Variants in ADCY8 observed in about 807,000 individuals in gnomAD.
ADCY8 encodes adenylate cyclase type 8.
In ADCY8, 51 loss-of-function variants were observed where a neutral mutation model predicts 119.7. The observed-to-expected ratio is 0.43, with a 90% confidence interval of 0.34 to 0.54. ADCY8 has a LOEUF of 0.54. ADCY8 is among the 20% of genes least tolerant of loss of function. The pLI, the probability that ADCY8 is intolerant of heterozygous loss-of-function variation, is 0.03. For missense variants in ADCY8, 1,383 were observed against 1,598.8 expected, an observed-to-expected ratio of 0.87 and a Z score of 2.30; for synonymous variants, 665 against 651.0, an observed-to-expected ratio of 1.02 and a Z score of -0.33.
chr8:130,881,067 C>G (rs1750699678), intron 8 of ADCY8, among the ~76,000 whole-genome samples: 1 of 152,132 alleles, frequency 6.6e-6, no homozygotes, highest in South Asian at 2.1e-4. Flanking sequence ...AATTCCATGG[C>G]AGGGAGTACA....
chr8:131,019,010 A>G (rs767102223), intron 1 of ADCY8, among the ~76,000 whole-genome samples: 2 of 152,216 alleles, frequency 1.3e-5, no homozygotes, highest in African/African-American at 2.4e-5. Flanking sequence ...TCTCAGAAAT[A>G]ATGACACTTT....
At position 130,821,454 on chromosome 8, in the gene ADCY8, G is replaced by A. The variant is rs908044977; in HGVS notation, c.2676-34C>T. 9.6e-6 allele frequency: 15 copies of A among 1,557,324 alleles called. No individual in the cohort carries two copies. In the African/African-American group the frequency reaches 1.8e-4, roughly 18 times the overall value. ...AGAAAAAAGGAACTGATAACCATGGGGGGACTTCAAGGAGACCTATGAGAA... is the reference window on the plus strand; with the variant it reads ...AGAAAAAAGGAACTGATAACCATGGAGGGACTTCAAGGAGACCTATGAGAA... On this transcript the variant is annotated intron_variant, in intron 12 of 17. Coordinates refer to ENST00000286355, the MANE Select transcript of ADCY8 (RefSeq NM_001115.3).
chr8:131,015,153 C>G (rs758487621), intron 1 of ADCY8, among the ~76,000 whole-genome samples: 1 of 152,244 alleles, frequency 6.6e-6, no homozygotes, highest in South Asian at 2.1e-4. Flanking sequence ...AGAGCAGGAA[C>G]AACTCTAGGC....
Position 131,040,050 on chromosome 8 carries a change from C to T in ADCY8, c.284G>A (p.Gly95Asp). ...GGTGCTGTGCGCTCGCTCTCCCGGG[C>T]CCAGCGAGTAGAGGGGCAGCGCCGA... ...GDSALPLYSL[G>D]PGERAHSTCG... Residue 95 changes from glycine to aspartate, a missense_variant, in exon 1 of 18, where the codon GGC (glycine) becomes GAC (aspartate). Gly to Asp is a moderately conservative substitution (Grantham distance 94). Coordinates refer to ENST00000286355, the MANE Select transcript of ADCY8 (RefSeq NM_001115.3). The T allele has an allele frequency of 6.5e-7, 1 of 1,547,020 alleles. No homozygotes were observed. The highest frequency in any genetic ancestry group is 8.7e-7 in the Non-Finnish European group (1 of 1,151,046).
At chr8:130,986,569 C>T (rs1822407885) in intron 2 of ADCY8, among the ~76,000 whole-genome samples, 1 of 152,146 alleles carries the variant, frequency 6.6e-6, no homozygotes, top group African/African-American at 2.4e-5. Context: ...AAAACAATTT[C>T]AACTCTACCT....
intron 7 of ADCY8, among the ~76,000 whole-genome samples, chr8:130,901,525 C>T (rs1485913586): frequency 2.6e-5 from 4 of 152,108 alleles, no homozygotes; most frequent in Admixed American, 6.5e-5. Flanking sequence ...TCGGGGCTTC[C>T]GTGGAATTGA....
chr8:130,935,396 G>A (rs1445917940), intron 5 of ADCY8: 1 of 152,138 alleles, frequency 6.6e-6, no homozygotes, highest in Admixed American at 6.6e-5. Flanking sequence ...TTTGTCTCCT[G>A]CTCCTCAGAT....
At position 130,962,494 on chromosome 8, in the gene ADCY8, C is replaced by T. The variant is rs758769265; in HGVS notation, c.1111-10496G>A. 2.0e-5 allele frequency among the ~76,000 whole-genome samples: 3 copies of T among 152,172 alleles called. No homozygotes were observed. In the South Asian group the frequency reaches 6.2e-4, roughly 32 times the overall value. On this transcript the variant is annotated intron_variant, in intron 2 of 17. Transcript: ENST00000286355. ...CATGAAAAGAGACCCTGGATTGATT[C>T]AAAGTCCATTAGTGGCTCCTGTCTG...
intron 5 of ADCY8, among the ~76,000 whole-genome samples, chr8:130,924,536 C>G (rs532094510): frequency 6.6e-6 from 1 of 152,244 alleles, no homozygotes; most frequent in African/African-American, 2.4e-5. Flanking sequence ...TAGACCACCC[C>G]ATATGTAATT....
chr8:130,972,362 A>G (rs1821948637), intron 2 of ADCY8, among the ~76,000 whole-genome samples: 1 of 152,196 alleles, frequency 6.6e-6, no homozygotes, highest in Non-Finnish European at 1.5e-5. Context: ...TGTTTTGCTA[A>G]ACCTTAATGT....
intron 11 of ADCY8, among the ~76,000 whole-genome samples, chr8:130,840,336 A>G (rs1817102336): frequency 7.2e-6 from 1 of 138,258 alleles, no homozygotes; most frequent in Non-Finnish European, 1.6e-5. Context: ...AAGTAAAGAC[A>G]GAAGATACAG....
chr8:130,813,636 C>T (rs2130168108), intron 14 of ADCY8, among the ~76,000 whole-genome samples: 1 of 152,226 alleles, frequency 6.6e-6, no homozygotes, highest in East Asian at 1.9e-4. Context: ...ATTCGTCCAT[C>T]AGTGGACCCT....
rs761004307 is a variant in ADCY8, at chr8:130,849,755, C to A, written c.2259G>T (p.Ser753=). 3 of 1,613,660 alleles carry A rather than the reference C, an allele frequency of 1.9e-6. No individual in the cohort carries two copies. The highest frequency in any genetic ancestry group is 2.2e-5 in the South Asian group (2 of 91,020). The change falls in exon 10 of 18, where the codon TCG becomes TCT. Residue 753 remains serine (S), a synonymous_variant. Coordinates refer to ENST00000286355, the MANE Select transcript of ADCY8 (RefSeq NM_001115.3). ...CTGCTGTGGTGATGAGGACCAGAGCCGAGTGCAGCATAATCAGAATGGAGA... is the reference window on the plus strand; with the variant it reads ...CTGCTGTGGTGATGAGGACCAGAGCAGAGTGCAGCATAATCAGAATGGAGA... ...IQFSILIMLH[S]ALVLITTAED...
chr8:130,997,931 G>A (rs1170589853), intron 1 of ADCY8, among the ~76,000 whole-genome samples: 1 of 152,122 alleles, frequency 6.6e-6, no homozygotes, highest in Non-Finnish European at 1.5e-5. Flanking sequence ...TGATATACTT[G>A]AGAAATATTT....
At chr8:130,832,368 AC>A (rs1172799408) in intron 12 of ADCY8, among the ~76,000 whole-genome samples, 1 of 152,118 alleles carries the variant, frequency 6.6e-6, no homozygotes, top group African/African-American at 2.4e-5. Context: ...TTTCTGTGCT[AC>A]CTTTTACATT....
intron 7 of ADCY8, among the ~76,000 whole-genome samples, chr8:130,898,826 A>T (rs1819496431): frequency 6.6e-6 from 1 of 152,204 alleles, no homozygotes. Context: ...GAAAATCTGA[A>T]GTCTAAGACG....
chr8:131,008,219 A>T (rs4407864), intron 1 of ADCY8, among the ~76,000 whole-genome samples: 88,019 of 151,948 alleles, frequency 0.58, 26,808 homozygotes, highest in East Asian at 0.78. Flanking sequence ...CACCCCTCCA[A>T]ACAAATTTGG....
chr8:131,030,143 C>CGT (rs1823952505), intron 1 of ADCY8, among the ~76,000 whole-genome samples: 2 of 152,112 alleles, frequency 1.3e-5, no homozygotes, highest in Admixed American at 1.3e-4. Flanking sequence ...ACTGTCTACC[C>CGT]ATGTTTGTGT....
At position 130,810,368 on chromosome 8, in the gene ADCY8, A is replaced by ACACACACACACACACACAC. The variant is rs1554602614; in HGVS notation, c.2913+3682_2913+3700dup. ...TTTCTACACACACACACACACACAC[A>ACACACACACACACACACAC]CACACACACACACACACACTAGTCT... On this transcript the variant is annotated intron_variant, in intron 14 of 17. Transcript: ENST00000286355. 1.1e-3 allele frequency among the ~76,000 whole-genome samples: 168 copies of ACACACACACACACACACAC among 151,560 alleles called. 1 individual carries two copies. Among genetic ancestry groups the ACACACACACACACACACAC allele is most frequent in the African/African-American group, 3.8e-3 (158 of 41,236 alleles).
Sources: allele counts gnomAD v4.1 joint callset (sites outside exome capture counted in the v4.1 genomes callset), GRCh38; gene constraint gnomAD v4.1.1; transcripts MANE v1.5; gene names NCBI Gene and HGNC (gene_info 2026-07-23, HGNC 2026-07-21).